NRXN2: variants seen among roughly 807,000 people sequenced by gnomAD.
NRXN2 encodes the protein neurexin 2.
NRXN2 carries 29 observed loss-of-function variants against 128.8 expected under a neutral mutation model. The ratio of observed to expected loss-of-function variants is 0.23; its 90% CI spans 0.17 to 0.31. NRXN2 has a LOEUF of 0.31. Ranked by LOEUF, NRXN2 falls within the 10% of genes least tolerant of loss-of-function variation. The probability of loss-of-function intolerance (pLI) is 1.00; values close to 1 mark genes in which losing one functional copy is unlikely to be tolerated. For synonymous variants in NRXN2, 1,098 were observed against 1,075.2 expected (o/e 1.02, Z -0.41); for missense variants, 1,881 against 2,452.6 (o/e 0.77, Z 4.92).
rs549913769 is a variant in NRXN2 at position 64,614,231 on chromosome 11, T to A, written c.4252+6063A>T. The stretch of plus-strand genomic sequence containing the variant: ...ACTCAGCCTTGCTCAAGGATCAGAT[T>A]TAGGGGTTGCCCCCCGCCCCCGCAA... On this transcript the variant is annotated intron_variant, in intron 22 of 22. Transcript: ENST00000265459. Among the ~76,000 whole-genome samples, 6 of 152,288 alleles carry A rather than the reference T, an allele frequency of 3.9e-5. No homozygotes were observed. In the South Asian group the frequency reaches 1.2e-3, roughly 32 times the overall value.
chr11:64,611,319 G>A (rs556274460), intron 22 of NRXN2, among the ~76,000 whole-genome samples: 3 of 152,304 alleles, frequency 2.0e-5, no homozygotes, highest in African/African-American at 7.2e-5. Context: ...CTTGGCAGCA[G>A]CCTTTCTCTA....
chr11:64,719,398 C>G (rs2057377046), intron 1 of NRXN2, among the ~76,000 whole-genome samples: 1 of 152,204 alleles, frequency 6.6e-6, no homozygotes, highest in Non-Finnish European at 1.5e-5. Flanking sequence ...GTCAATTGTC[C>G]TGACTCAGAG....
chr11:64,687,502 C>T (rs1238298455), intron 5 of NRXN2, among the ~76,000 whole-genome samples: 8 of 152,216 alleles, frequency 5.3e-5, no homozygotes, highest in Non-Finnish European at 8.8e-5. Flanking sequence ...CCTGAGGCCA[C>T]AGGGCAGCAA....
At chr11:64,608,189 A>G in intron 22 of NRXN2, 107 bp from the exon 23 acceptor site, 1 of 897,514 alleles carries the variant, frequency 1.1e-6, no homozygotes, top group Non-Finnish European at 1.8e-6. Context: ...AATCGGTTCC[A>G]ATTGGCTTTG....
intron 5 of NRXN2, chr11:64,688,296 G>T: frequency 1.0e-6 from 1 of 985,428 alleles, no homozygotes; most frequent in Non-Finnish European, 1.2e-6. Context: ...CTTTACCACC[G>T]GAGACCTGGG....
intron 22 of NRXN2, among the ~76,000 whole-genome samples, chr11:64,608,494 C>CT (rs58638827): frequency 0.018 from 1,971 of 111,048 alleles, 18 homozygotes; most frequent in East Asian, 0.04. Flanking sequence ...TCTTTTTTTG[C>CT]TTTTTTTTTT....
intron 6 of NRXN2, among the ~76,000 whole-genome samples, chr11:64,681,097 CAA>C (rs59532747): frequency 1.4e-4 from 9 of 66,628 alleles, no homozygotes; most frequent in Admixed American, 1.7e-4. Context: ...ACTCTATCTC[CAA>C]AAAAAAAAAA....
Position 64,607,400 on chromosome 11 carries a change from C to T in NRXN2, c.4935G>A (p.Ala1645=), listed in dbSNP as rs769294338. 3 of 1,613,092 alleles carry T rather than the reference C, an allele frequency of 1.9e-6. No homozygotes were observed. The highest frequency in any genetic ancestry group is 1.7e-5 in the Admixed American group (1 of 60,022). ...GGAGGATGAGGATGCAGAGCGCCGC[C>T]GCCGCCACAATGCCCACCACCATGC... ...TTGMVVGIVA[A]AALCILILLY... The change falls in exon 23 of 23, where the codon GCG becomes GCA. Residue 1645 remains alanine (A), a synonymous_variant. Transcript: ENST00000265459.
In NRXN2 at chr11:64,690,406, T is replaced by A. The variant is rs1184833511; in HGVS notation, c.849A>T (p.Lys283Asn). Residue 283 changes from lysine (K) to asparagine (N), a missense_variant and splice_region_variant, in exon 5 of 23, where the codon AAA (lysine) becomes AAT (asparagine). Transcript: ENST00000265459. ...GGAGDVHQPT[K>N]GKEEFVATFK... ...CTGGGGACCATGGGGGTCACTGACCTTTTGTTGGCTGGTGCACATCGCCGG... is the reference window on the plus strand; with the variant it reads ...CTGGGGACCATGGGGGTCACTGACCATTTGTTGGCTGGTGCACATCGCCGG... 1.2e-6 allele frequency: 2 copies of A among 1,612,340 alleles called. No homozygotes were observed. The highest frequency in any genetic ancestry group is 1.7e-5 in the Admixed American group (1 of 59,834).
intron 22 of NRXN2, among the ~76,000 whole-genome samples, chr11:64,617,866 C>T (rs769020033): frequency 6.6e-6 from 1 of 152,178 alleles, no homozygotes; most frequent in Non-Finnish European, 1.5e-5. Flanking sequence ...CAAATGTGGA[C>T]GTGTAAGCAT....
chr11:64,642,782 G>A, intron 17 of NRXN2: 1 of 1,170,334 alleles, frequency 8.5e-7, no homozygotes, highest in Non-Finnish European at 1.1e-6. Flanking sequence ...CACCCCCCCG[G>A]CCCGCTCCCC....
intron 17 of NRXN2, among the ~76,000 whole-genome samples, chr11:64,636,809 T>C (rs990430133): frequency 6.6e-6 from 1 of 151,778 alleles, no homozygotes; most frequent in African/African-American, 2.4e-5. Context: ...GGTGGCCCAG[T>C]TGGTAACACT....
chr11:64,679,008 GTC>G (rs1250939632), intron 6 of NRXN2, among the ~76,000 whole-genome samples: 3 of 152,232 alleles, frequency 2.0e-5, no homozygotes, highest in Non-Finnish European at 4.4e-5. Flanking sequence ...CAAGAGAAGA[GTC>G]TAATTGCAGG....
intron 12 of NRXN2, 124 bp downstream of exon 12, chr11:64,653,572 A>T: frequency 1.0e-6 from 1 of 987,174 alleles, no homozygotes; most frequent in Non-Finnish European, 1.6e-6. Flanking sequence ...CCCACACTCA[A>T]GGCCCAACCC....
chr11:64,659,225 C>T (rs532237213), intron 11 of NRXN2, among the ~76,000 whole-genome samples: 1 of 152,298 alleles, frequency 6.6e-6, no homozygotes, highest in East Asian at 1.9e-4. Flanking sequence ...TCAGCCTGAA[C>T]AGCTTAGGAC....
At chr11:64,701,202 G>T (rs975288660) in intron 2 of NRXN2, among the ~76,000 whole-genome samples, 1 of 152,090 alleles carries the variant, frequency 6.6e-6, no homozygotes, top group Non-Finnish European at 1.5e-5. Flanking sequence ...ACCATGTTAC[G>T]ACCCTGCTGA....
chr11:64,627,304 C>T (rs1309366056), intron 19 of NRXN2, among the ~76,000 whole-genome samples: 1 of 152,042 alleles, frequency 6.6e-6, no homozygotes, highest in Non-Finnish European at 1.5e-5. Context: ...AGGTGTGGCG[C>T]CTGGTGTGGG....
At chr11:64,642,449 G>A in intron 17 of NRXN2, 3 of 1,486,826 alleles carry the variant, frequency 2.0e-6, no homozygotes, top group South Asian at 1.3e-5. Context: ...GCACAGCTGG[G>A]GTGGGGCCCG....
chr11:64,608,771 C>T (rs2040143588), intron 22 of NRXN2, among the ~76,000 whole-genome samples: 1 of 152,232 alleles, frequency 6.6e-6, no homozygotes, highest in African/African-American at 2.4e-5. Context: ...ACTTGTCCCT[C>T]TCCCCCTCAT....
Sources: gnomAD v4.1 joint callset for allele counts (sites outside exome capture counted in the v4.1 genomes callset) on GRCh38, gnomAD v4.1.1 for gene constraint, MANE v1.5 for transcripts, NCBI Gene and HGNC (gene_info 2026-07-23, HGNC 2026-07-21) for gene names.